IQGAP2: variants seen among roughly 807,000 people sequenced by gnomAD.
The protein encoded by IQGAP2 is IQ motif containing GTPase activating protein 2.
IQGAP2 carries 173 observed loss-of-function variants against 201.3 expected under a neutral mutation model. The ratio of observed to expected loss-of-function variants is 0.86; its 90% CI spans 0.76 to 0.98. IQGAP2 has a LOEUF of 0.98. Among genes scored for constraint, IQGAP2 ranks in the 50% least tolerant of loss-of-function variants. IQGAP2 has a pLI of 0.00. For missense variants in IQGAP2, 1,687 were observed against 1,864.8 expected, an observed-to-expected ratio of 0.90 and a Z score of 1.76; for synonymous variants, 675 against 673.9, an observed-to-expected ratio of 1.00 and a Z score of -0.03.
At chr5:76,667,883 T>C (rs1025598784) in intron 22 of IQGAP2, among the ~76,000 whole-genome samples, 3 of 46,880 alleles carry the variant, frequency 6.4e-5, no homozygotes, top group African/African-American at 2.8e-4. Context: ...CTTTCTTTTT[T>C]TTTTTTTTTT....
At chr5:76,447,036 C>A (rs548733590) in intron 1 of IQGAP2, among the ~76,000 whole-genome samples, 1 of 152,330 alleles carries the variant, frequency 6.6e-6, no homozygotes, top group East Asian at 1.9e-4. Flanking sequence ...GAAGGCTCTG[C>A]GGATCACAGA....
At chr5:76,587,839 G>A (rs996932013) in intron 5 of IQGAP2, among the ~76,000 whole-genome samples, 4 of 151,808 alleles carry the variant, frequency 2.6e-5, no homozygotes, top group African/African-American at 9.7e-5. Flanking sequence ...CCAGCTAGTT[G>A]GGAAGCTGAG....
At chr5:76,445,460 T>G (rs1753323139) in intron 1 of IQGAP2, among the ~76,000 whole-genome samples, 1 of 152,026 alleles carries the variant, frequency 6.6e-6, no homozygotes, top group South Asian at 2.1e-4. Flanking sequence ...ATCGGCCGTT[T>G]TAACCTTTTT....
chr5:76,463,767 AATTT>A (rs1754619862), intron 2 of IQGAP2, among the ~76,000 whole-genome samples: 1 of 152,098 alleles, frequency 6.6e-6, no homozygotes, highest in South Asian at 2.1e-4. Flanking sequence ...GCTTTTCATA[AATTT>A]ATTTGATGAG....
intron 2 of IQGAP2, among the ~76,000 whole-genome samples, chr5:76,545,551 C>T (rs1427850595): frequency 1.3e-5 from 2 of 152,154 alleles, no homozygotes; most frequent in Non-Finnish European, 2.9e-5. Flanking sequence ...TGTGTGTATT[C>T]TTGCAATGGA....
At chr5:76,652,374 C>T (rs529274378) in intron 17 of IQGAP2, among the ~76,000 whole-genome samples, 2 of 152,306 alleles carry the variant, frequency 1.3e-5, no homozygotes, top group African/African-American at 4.8e-5. Flanking sequence ...TATTTTCAAG[C>T]ATTTTTTGTT....
Position 76,707,411 on chromosome 5 carries a change from T to C in IQGAP2, c.*98T>C. 1.5e-6 allele frequency: 1 copy of C among 680,422 alleles called. No individual in the cohort carries two copies. The highest frequency in any genetic ancestry group is 2.6e-6 in the Non-Finnish European group (1 of 382,836). The allele number at this position is 680,422 out of a possible 1,614,324, so 42.1% of individuals were successfully genotyped here. ...TAAACATGATTGAAATCACTGCTTA[T>C]AAATGTGTGATTTTTTTAAAACGAC... On this transcript the variant is annotated 3_prime_UTR_variant, in exon 36 of 36. Coordinates refer to ENST00000274364, the MANE Select transcript of IQGAP2 (RefSeq NM_006633.5).
At chr5:76,542,714 C>G (rs1302233458) in intron 2 of IQGAP2, among the ~76,000 whole-genome samples, 1 of 152,188 alleles carries the variant, frequency 6.6e-6, no homozygotes, top group Non-Finnish European at 1.5e-5. Context: ...TTAAAAGTTG[C>G]ATTAAATTTG....
chr5:76,516,288 G>A lies in IQGAP2; in HGVS notation c.147-46108G>A, dbSNP rs1351866290. Among the ~76,000 whole-genome samples, 4 of 152,204 alleles carry A rather than the reference G, an allele frequency of 2.6e-5. No individual in the cohort carries two copies. In the East Asian group the frequency reaches 7.7e-4, roughly 29 times the overall value. ...AATCTATAATGTAATGTGGTTGCCC[G>A]AACCATTCTTAAAATATTAGGTTGT... is the stretch of plus-strand genomic sequence containing the variant. On this transcript the variant is annotated intron_variant, in intron 2 of 35. Coordinates refer to ENST00000274364, the MANE Select transcript of IQGAP2 (RefSeq NM_006633.5).
intron 2 of IQGAP2, among the ~76,000 whole-genome samples, chr5:76,523,928 G>A (rs897725606): frequency 3.9e-5 from 6 of 152,048 alleles, no homozygotes; most frequent in Admixed American, 1.3e-4. Context: ...ACATTTTGAG[G>A]CAGACAAGAT....
chr5:76,499,180 C>T (rs1012908320), intron 2 of IQGAP2, among the ~76,000 whole-genome samples: 2 of 152,120 alleles, frequency 1.3e-5, no homozygotes, highest in Non-Finnish European at 1.5e-5. Flanking sequence ...CACAAGAAGC[C>T]GTCTCCCCTA....
chr5:76,533,525 T>C (rs1012395400), intron 2 of IQGAP2, among the ~76,000 whole-genome samples: 1 of 141,318 alleles, frequency 7.1e-6, no homozygotes, highest in Non-Finnish European at 1.5e-5. Context: ...TTTGCCCTAT[T>C]ATTTATATAT....
At chr5:76,544,312 TG>T (rs1742963451) in intron 2 of IQGAP2, among the ~76,000 whole-genome samples, 1 of 152,168 alleles carries the variant, frequency 6.6e-6, no homozygotes, top group Admixed American at 6.5e-5. Flanking sequence ...CAGCCCACGA[TG>T]GTTCACAAGA....
intron 2 of IQGAP2, among the ~76,000 whole-genome samples, chr5:76,490,592 G>T (rs1404434573): frequency 6.6e-6 from 1 of 152,122 alleles, no homozygotes; most frequent in Non-Finnish European, 1.5e-5. Context: ...AAAACCCTAA[G>T]GTCCCACTCA....
rs560830750 is a variant in IQGAP2 at position 76,668,955 on chromosome 5, A to G, written c.2843+111A>G. 57 of 600,606 alleles carry G rather than the reference A, an allele frequency of 9.5e-5. No individual in the cohort carries two copies. The South Asian group carries it at 1.6e-3, about 17-fold the overall frequency. The allele number at this position is 600,606 out of a possible 1,614,324, so 37.2% of individuals were successfully genotyped here. On this transcript the variant is annotated intron_variant, in intron 23 of 35. Coordinates refer to ENST00000274364, the MANE Select transcript of IQGAP2 (RefSeq NM_006633.5). ...TTAAATTCTTATAAGTTATTCCCAC[A>G]TATTAAAATATATCAAGTTTCTTGA...
intron 2 of IQGAP2, among the ~76,000 whole-genome samples, chr5:76,544,333 A>G (rs1322828980): frequency 2.0e-5 from 3 of 152,186 alleles, no homozygotes; most frequent in South Asian, 2.1e-4. Flanking sequence ...AGAGTCTACA[A>G]TCCTCAGAGC....
chr5:76,447,541 C>T (rs185159861), intron 1 of IQGAP2, among the ~76,000 whole-genome samples: 3 of 152,306 alleles, frequency 2.0e-5, no homozygotes, highest in East Asian at 1.9e-4. Flanking sequence ...CTGCCAGAAT[C>T]GGTGGGTCTA....
At chr5:76,525,221 T>G (rs79331653) in intron 2 of IQGAP2, among the ~76,000 whole-genome samples, 1 of 152,252 alleles carries the variant, frequency 6.6e-6, no homozygotes, top group Admixed American at 6.5e-5. Flanking sequence ...TACTATTTTT[T>G]GTTTTAACCA....
chr5:76,497,010 A>G (rs1213528203), intron 2 of IQGAP2, among the ~76,000 whole-genome samples: 1 of 151,784 alleles, frequency 6.6e-6, no homozygotes, highest in Non-Finnish European at 1.5e-5. Context: ...TTGTATTTTT[A>G]GTAGAGACAG....
Sources: gnomAD v4.1 joint callset for allele counts (sites outside exome capture counted in the v4.1 genomes callset) on GRCh38, gnomAD v4.1.1 for gene constraint, MANE v1.5 for transcripts, NCBI Gene and HGNC (gene_info 2026-07-23, HGNC 2026-07-21) for gene names.